The following PCTP variants were observed in gnomAD, a reference collection of about 807,000 sequenced individuals.
The protein encoded by PCTP is phosphatidylcholine transfer protein.
Under a neutral mutation model 31.0 loss-of-function variants are expected in PCTP, and 27 were observed. The ratio of observed to expected loss-of-function variants is 0.87; its 90% CI spans 0.64 to 1.20. The LOEUF is 1.20. Among genes scored for constraint, PCTP ranks in the 50% most tolerant of loss-of-function variants. The pLI is 0.00. For synonymous variants in PCTP, 108 were observed against 101.2 expected (o/e 1.07, Z -0.40); for missense variants, 287 against 268.2 (o/e 1.07, Z -0.49).
At chr17:55,767,885 G>C (rs1244282095) in intron 2 of PCTP, among the ~76,000 whole-genome samples, 1 of 148,956 alleles carries the variant, frequency 6.7e-6, no homozygotes, top group Non-Finnish European at 1.5e-5. Context: ...TTGAGGCCAG[G>C]AGTTTGAGAC....
In PCTP at chr17:55,784,295, C is replaced by T. The variant is rs79601939; in HGVS notation, c.229-3271C>T. ...AAGTAGACGGCCTCCTTTCTACTCC[C>T]TAAATATCTGTGGCTGTAGGAGACC... On this transcript the variant is annotated intron_variant, in intron 2 of 3. Transcript: ENST00000572536. Among the ~76,000 whole-genome samples the T allele has an allele frequency of 9.7e-4, 148 of 152,224 alleles. 2 individuals are homozygous for T. The East Asian group carries it at 0.021, about 21-fold the overall frequency.
intron 5 of PCTP, among the ~76,000 whole-genome samples, chr17:55,838,168 C>T (rs1905838262): frequency 1.3e-5 from 2 of 151,632 alleles, no homozygotes; most frequent in Non-Finnish European, 2.9e-5. Context: ...AAAATGCAAA[C>T]TTAATCATAT....
chr17:55,762,464 C>T (rs1910390679), intron 1 of PCTP, among the ~76,000 whole-genome samples: 1 of 151,706 alleles, frequency 6.6e-6, no homozygotes, highest in South Asian at 2.1e-4. Context: ...ATTTCTTAAC[C>T]TTCACTGTAA....
exon 4 of PCTP, chr17:55,823,058 T>C (rs1019576827): frequency 2.0e-5 from 6 of 301,824 alleles, no homozygotes; most frequent in East Asian, 5.2e-5. Context: ...ACTGGAAAGA[T>C]AGCAGTGAAT....
At chr17:55,773,975 G>A (rs1049041677) in intron 4 of PCTP, 80 bp downstream of exon 4, 6 of 1,442,320 alleles carry the variant, frequency 4.2e-6, no homozygotes, top group Non-Finnish European at 5.6e-6. Flanking sequence ...GACATGTCGA[G>A]TACATGAAGC....
chr17:55,754,157 G>A (rs1382290402), intron 1 of PCTP, among the ~76,000 whole-genome samples: 2 of 152,094 alleles, frequency 1.3e-5, no homozygotes, highest in African/African-American at 4.8e-5. Flanking sequence ...CTACCTACCT[G>A]GAAATAGTGT....
intron 2 of PCTP, chr17:55,770,470 C>T (rs1910921472): frequency 6.6e-6 from 1 of 152,150 alleles, no homozygotes; most frequent in Non-Finnish European, 1.5e-5. Context: ...TGGTGGTTAT[C>T]CTGAATTTAA....
In PCTP at chr17:55,776,598, G is replaced by A. The variant is rs1911343813; in HGVS notation, c.*498G>A. ...GCATTTCGTTCAGAGCTGACTTTCA[G>A]TGCACCCAAACTGGATGACGTGCCA... On this transcript the variant is annotated 3_prime_UTR_variant, in exon 6 of 6. Transcript: ENST00000268896. The A allele has an allele frequency of 8.1e-7, 1 of 1,231,070 alleles. No homozygotes were observed. The highest frequency in any genetic ancestry group is 4.2e-5 in the Admixed American group (1 of 23,702). The allele number at this position is 1,231,070 out of a possible 1,614,324, so 76.3% of individuals were successfully genotyped here.
intron 5 of PCTP, among the ~76,000 whole-genome samples, chr17:55,841,537 G>A (rs1598026294): frequency 2.0e-5 from 3 of 152,296 alleles, no homozygotes; most frequent in Admixed American, 2.0e-4. Context: ...TTGCCACTGA[G>A]AAGAGCTCTC....
At chr17:55,812,910 T>G (rs4627425) in intron 3 of PCTP, among the ~76,000 whole-genome samples, 57,210 of 152,154 alleles carry the variant, frequency 0.38, 16,680 homozygotes, top group African/African-American at 0.82. Flanking sequence ...TTCTGGAAGA[T>G]AATCAGTGAT....
rs1905628031 is a variant in PCTP at position 55,832,274 on chromosome 17, AG to A, written n.505+9348del. Among the ~76,000 whole-genome samples the A allele has an allele frequency of 3.3e-5, 5 of 152,310 alleles. No homozygotes were observed. In the South Asian group the frequency reaches 1.0e-3, roughly 32 times the overall value. ...TGTGTCTCAATTATCTGTATTCCTT[AG>A]TACCTAGAATGCTGATTGCACAAAG... On this transcript the variant is annotated intron_variant and non_coding_transcript_variant, in intron 5 of 5. Coordinates refer to the PCTP transcript ENST00000576221.
chr17:55,773,142 G>A (rs906468214), intron 3 of PCTP, among the ~76,000 whole-genome samples: 4 of 152,224 alleles, frequency 2.6e-5, no homozygotes, highest in African/African-American at 4.8e-5. Flanking sequence ...ATCTGCCTAC[G>A]AAATATTCAT....
chr17:55,761,230 A>G (rs548573771), intron 1 of PCTP, among the ~76,000 whole-genome samples: 272 of 152,296 alleles, frequency 1.8e-3, no homozygotes, highest in Non-Finnish European at 3.2e-3. Context: ...ACATGAGAGA[A>G]TGAATATAAA....
intron 1 of PCTP, among the ~76,000 whole-genome samples, chr17:55,759,420 A>G (rs750948795): frequency 8.5e-5 from 13 of 152,206 alleles, no homozygotes; most frequent in Non-Finnish European, 2.9e-5. Flanking sequence ...TTAGCCAACT[A>G]TCTGTCTTTG....
At chr17:55,778,701 G>A (rs1484099182), downstream of PCTP, among the ~76,000 whole-genome samples, 4 of 152,112 alleles carry the variant, frequency 2.6e-5, no homozygotes, top group African/African-American at 7.2e-5. Context: ...GGGTGGCTTT[G>A]CTGGTGTGGC....
intron 2 of PCTP, among the ~76,000 whole-genome samples, chr17:55,782,406 A>C (rs1266263026): frequency 6.6e-6 from 1 of 152,204 alleles, no homozygotes; most frequent in East Asian, 1.9e-4. Flanking sequence ...AAGGAAAAAG[A>C]TTTAACATTT....
chr17:55,781,259 C>T (rs1911555225), downstream of PCTP, among the ~76,000 whole-genome samples: 1 of 152,220 alleles, frequency 6.6e-6, no homozygotes, highest in African/African-American at 2.4e-5. Context: ...CTCTATCTGC[C>T]TCCCGTTCTC....
chr17:55,806,065 G>T (rs1912571680), intron 3 of PCTP, among the ~76,000 whole-genome samples: 1 of 152,042 alleles, frequency 6.6e-6, no homozygotes, highest in Non-Finnish European at 1.5e-5. Flanking sequence ...TAAATAACTT[G>T]CCAAGTGCTT....
intron 5 of PCTP, among the ~76,000 whole-genome samples, chr17:55,835,459 G>T (rs1192446556): frequency 6.6e-6 from 1 of 152,064 alleles, no homozygotes; most frequent in African/African-American, 2.4e-5. Context: ...CTTTGCTTCT[G>T]GCTTATTGAC....
Sources: gnomAD v4.1 joint callset for allele counts (sites outside exome capture counted in the v4.1 genomes callset) on GRCh38, gnomAD v4.1.1 for gene constraint, MANE v1.5 for transcripts, NCBI Gene and HGNC (gene_info 2026-07-23, HGNC 2026-07-21) for gene names.